Variants in DZIP1L observed in about 807,000 individuals in gnomAD.
DZIP1L encodes DAZ interacting zinc finger protein 1 like.
Under a neutral mutation model 88.7 loss-of-function variants are expected in DZIP1L, and 90 were observed. That is an observed-to-expected ratio of 1.02 (90% CI 0.86 to 1.21). The LOEUF (loss-of-function observed/expected upper bound fraction) is 1.21. DZIP1L is among the 50% of genes most tolerant of loss of function. DZIP1L has a pLI of 0.00. For missense variants in DZIP1L, 932 were observed against 955.8 expected, an observed-to-expected ratio of 0.98 and a Z score of 0.33; for synonymous variants, 363 against 372.1, an observed-to-expected ratio of 0.98 and a Z score of 0.28.
chr3:138,098,335 C>G (rs72973039), intron 2 of DZIP1L, among the ~76,000 whole-genome samples: 3,893 of 152,256 alleles, frequency 0.026, 156 homozygotes, highest in African/African-American at 0.088. Flanking sequence ...TACTATTGTA[C>G]ATGTTTGAAA....
chr3:138,085,145 T>C (rs1337045865), intron 7 of DZIP1L, among the ~76,000 whole-genome samples: 3 of 152,140 alleles, frequency 2.0e-5, no homozygotes, highest in African/African-American at 4.8e-5. Context: ...CCTAAAACCA[T>C]AAAAACCCTA....
intron 2 of DZIP1L, among the ~76,000 whole-genome samples, chr3:138,098,548 G>C (rs1025856777): frequency 2.0e-5 from 3 of 152,182 alleles, no homozygotes; most frequent in African/African-American, 7.2e-5. Context: ...AGCTTTGGAG[G>C]CTGCCATTGT....
chr3:138,086,685 G>A (rs569640122), intron 7 of DZIP1L, among the ~76,000 whole-genome samples: 3 of 152,300 alleles, frequency 2.0e-5, no homozygotes, highest in East Asian at 1.9e-4. Flanking sequence ...AGGGCCTAAA[G>A]GGGTCACTGC....
intron 2 of DZIP1L, among the ~76,000 whole-genome samples, chr3:138,101,159 A>AT (rs1269359019): frequency 6.6e-6 from 1 of 151,530 alleles, no homozygotes; most frequent in Non-Finnish European, 1.5e-5. Flanking sequence ...TACACTCTCC[A>AT]TAAGTACAAA....
intron 5 of DZIP1L, among the ~76,000 whole-genome samples, chr3:138,089,806 A>C (rs1944118839): frequency 6.6e-6 from 1 of 152,148 alleles, no homozygotes; most frequent in African/African-American, 2.4e-5. Context: ...GAGACACACA[A>C]ACATACAAAC....
chr3:138,064,361 G>A (rs540049259), intron 15 of DZIP1L: 195 of 1,297,138 alleles, frequency 1.5e-4, no homozygotes, highest in South Asian at 3.0e-4. Flanking sequence ...GAAGCTCTCC[G>A]AGAGGCAGGA....
At chr3:138,097,254 C>A (rs897939503) in intron 3 of DZIP1L, among the ~76,000 whole-genome samples, 2 of 151,596 alleles carry the variant, frequency 1.3e-5, no homozygotes, top group Admixed American at 6.6e-5. Context: ...AAACATACAG[C>A]CTTGCTCCTC....
At chr3:138,065,282 A>G (rs953513717) in intron 14 of DZIP1L, among the ~76,000 whole-genome samples, 19 of 152,238 alleles carry the variant, frequency 1.2e-4, no homozygotes, top group African/African-American at 3.4e-4. Flanking sequence ...AACCTCAGGA[A>G]TGACCAGGAA....
chr3:138,086,571 C>T (rs1246240549), intron 7 of DZIP1L, among the ~76,000 whole-genome samples: 1 of 152,144 alleles, frequency 6.6e-6, no homozygotes, highest in African/African-American at 2.4e-5. Context: ...CACTGAGGCC[C>T]ACAGCCGCCT....
intron 2 of DZIP1L, among the ~76,000 whole-genome samples, chr3:138,098,647 C>A (rs1944584487): frequency 6.6e-6 from 1 of 152,202 alleles, no homozygotes; most frequent in Non-Finnish European, 1.5e-5. Flanking sequence ...TTTTCCCTTT[C>A]TTCCTTGGTA....
At chr3:138,076,613 AC>A (rs1943421242) in intron 11 of DZIP1L, among the ~76,000 whole-genome samples, 1 of 152,218 alleles carries the variant, frequency 6.6e-6, no homozygotes, top group Non-Finnish European at 1.5e-5. Flanking sequence ...ATTTGCTGCA[AC>A]CTGGATGGAA....
Position 138,094,937 on chromosome 3 carries a change from C to T in DZIP1L, c.633G>A (p.Glu211=). The T allele has an allele frequency of 6.2e-6, 10 of 1,614,164 alleles. No homozygotes were observed. Among genetic ancestry groups the T allele is most frequent in the Non-Finnish European group, 8.5e-6 (10 of 1,179,950 alleles). Residue 211 remains glutamate (E), a synonymous_variant, in exon 4 of 16, where the codon GAG becomes GAA. Transcript: ENST00000327532. ...QEQPVEEVLE[E]LRAKLKWTQG... ...GGGTCCACTTTAGCTTGGCCCGTAG[C>T]TCTTCTAACACCTCTTCCACTGGCT...
At chr3:138,098,732 C>G (rs1944588282) in intron 2 of DZIP1L, among the ~76,000 whole-genome samples, 1 of 152,196 alleles carries the variant, frequency 6.6e-6, no homozygotes, top group Non-Finnish European at 1.5e-5. Flanking sequence ...GTCCACAGGA[C>G]TTACTACTAA....
At chr3:138,081,639 C>A in intron 9 of DZIP1L, 95 bp downstream of exon 9, 1 of 1,297,980 alleles carries the variant, frequency 7.7e-7, no homozygotes, top group East Asian at 2.5e-5. Flanking sequence ...CACCAATCCA[C>A]CACCCATGAA....
intron 1 of DZIP1L, among the ~76,000 whole-genome samples, chr3:138,110,798 C>A (rs1284794449): frequency 2.0e-5 from 3 of 152,220 alleles, no homozygotes; most frequent in Non-Finnish European, 2.9e-5. Flanking sequence ...CCACTTAATT[C>A]TCACAACAAC....
intron 1 of DZIP1L, among the ~76,000 whole-genome samples, chr3:138,109,265 G>A (rs923472303): frequency 4.6e-5 from 7 of 152,210 alleles, no homozygotes; most frequent in Middle Eastern, 3.4e-3. Context: ...TTACAAAGAA[G>A]CACTCATCTA....
intron 5 of DZIP1L, chr3:138,089,181 CTAAGTT>C: frequency 4.1e-6 from 4 of 985,420 alleles, no homozygotes; most frequent in Non-Finnish European, 4.8e-6. Flanking sequence ...CTCCAAGTGC[CTAAGTT>C]TAACTTGATA....
intron 5 of DZIP1L, chr3:138,088,776 T>A: frequency 9.1e-7 from 1 of 1,094,088 alleles, no homozygotes; most frequent in African/African-American, 1.6e-5. Context: ...AATTCTGCTA[T>A]ACTCAAAATC....
At chr3:138,086,910 AGAG>A (rs1559843052) in intron 7 of DZIP1L, 48 bp downstream of exon 7, 1 of 1,589,776 alleles carries the variant, frequency 6.3e-7, no homozygotes, top group Non-Finnish European at 8.6e-7. Context: ...CTGAATTCTG[AGAG>A]GAGGTCACAG....
Sources: allele counts gnomAD v4.1 joint callset (sites outside exome capture counted in the v4.1 genomes callset), GRCh38; gene constraint gnomAD v4.1.1; transcripts MANE v1.5; gene names NCBI Gene and HGNC (gene_info 2026-07-23, HGNC 2026-07-21).